Variants in IQSEC2 observed in about 807,000 individuals in gnomAD.
The protein encoded by IQSEC2 is IQ motif and Sec7 domain ArfGEF 2.
A neutral mutation model predicts 74.6 loss-of-function variants in IQSEC2; 6 were observed. The ratio of observed to expected loss-of-function variants is 0.08; its 90% confidence interval spans 0.04 to 0.16. The LOEUF (loss-of-function observed/expected upper bound fraction) is 0.16. Ranked by LOEUF, IQSEC2 falls within the 10% of genes least tolerant of loss-of-function variation. The pLI, the probability that IQSEC2 is intolerant of heterozygous loss-of-function variation, is 1.00. For missense variants in IQSEC2, 734 were observed against 1,306.2 expected, an observed-to-expected ratio of 0.56 and a Z score of 6.75; for synonymous variants, 494 against 544.5, an observed-to-expected ratio of 0.91 and a Z score of 1.29.
In IQSEC2 at chrX:53,250,569, G is replaced by A. The variant is rs782769823; in HGVS notation, c.2007C>T (p.Gly669=). 4.5e-5 allele frequency: 55 copies of A among 1,209,800 alleles called. No individual in the cohort carries two copies. In the South Asian group the frequency reaches 8.6e-4, roughly 19 times the overall value. The part of the protein sequence containing the change: ...PGPLPPAPNS[G]TGPSGVAGGR... ...CCCCAGCCACACCACTGGGCCCAGT[G>A]CCACTGTTGGGGGCTGGTGGCAGGG... Residue 669 remains glycine, a synonymous_variant, in exon 5 of 15, where the codon GGC becomes GGT. Coordinates refer to ENST00000642864, the MANE Select transcript of IQSEC2 (RefSeq NM_001111125.3).
At chrX:53,267,853 T>C (rs1008129705) in intron 2 of IQSEC2, among the ~76,000 whole-genome samples, 1 of 111,973 alleles carries the variant, frequency 8.9e-6, no homozygotes, top group East Asian at 2.8e-4. Flanking sequence ...TTGCAAGAAC[T>C]AGAACATATA....
chrX:53,241,780 A>C lies in IQSEC2; in HGVS notation c.3015+4T>G. 4 of 1,211,410 alleles carry C rather than the reference A, an allele frequency of 3.3e-6. No individual in the cohort carries two copies. The highest frequency in any genetic ancestry group is 5.9e-5 in the East Asian group (2 of 33,812). ...TCCCATCTCCTCCCCCACAGTGCTC[A>C]TACCACAAGGAGATCATTGAAGAGG... is the stretch of plus-strand genomic sequence containing the variant. On this transcript the variant is annotated splice_donor_region_variant and intron_variant, in intron 10 of 14. Transcript: ENST00000642864.
chrX:53,259,660 C>T (rs1556866069), intron 2 of IQSEC2, among the ~76,000 whole-genome samples: 1 of 109,160 alleles, frequency 9.2e-6, no homozygotes, highest in African/African-American at 3.4e-5. Flanking sequence ...ATTAGCCAGG[C>T]GTGGTGGCGC....
intron 1 of IQSEC2, 78 bp downstream of exon 1, chrX:53,320,339 G>A: frequency 1.1e-6 from 1 of 927,633 alleles, no homozygotes; most frequent in Non-Finnish European, 1.5e-6. Flanking sequence ...CCAGACACTG[G>A]CTTCTTACTC....
At chrX:53,239,049 C>A (rs782629567) in intron 11 of IQSEC2, 146 bp downstream of exon 11, 1 of 494,314 alleles carries the variant, frequency 2.0e-6, no homozygotes, top group Admixed American at 2.8e-5. Flanking sequence ...CCCTGGCCTG[C>A]CCCTCATCCT....
intron 5 of IQSEC2, 144 bp from the exon 6 acceptor site, chrX:53,249,026 C>A: frequency 1.7e-6 from 1 of 581,847 alleles, no homozygotes; most frequent in Non-Finnish European, 2.8e-6. Flanking sequence ...CCAATCCCAT[C>A]ATGGCACAAG....
At chrX:53,255,606 A>G (rs1463981572) in intron 3 of IQSEC2, among the ~76,000 whole-genome samples, 194 bp downstream of exon 3, 3 of 111,028 alleles carry the variant, frequency 2.7e-5, no homozygotes, top group Non-Finnish European at 3.8e-5. Flanking sequence ...ATGTTTCTTG[A>G]GTGAATACAA....
chrX:53,289,919 G>C (rs1380778213), intron 2 of IQSEC2, among the ~76,000 whole-genome samples: 1 of 112,206 alleles, frequency 8.9e-6, no homozygotes, highest in East Asian at 2.8e-4. Flanking sequence ...ATGCCTATTA[G>C]GGCTGTTGTG....
At chrX:53,271,482 C>T (rs1358821636) in intron 2 of IQSEC2, among the ~76,000 whole-genome samples, 2 of 111,746 alleles carry the variant, frequency 1.8e-5, no homozygotes, top group Non-Finnish European at 3.8e-5. Flanking sequence ...AACTTTGACT[C>T]ATCCTCGCCT....
In IQSEC2 at chrX:53,236,641, A is replaced by G. The variant is rs782076344; in HGVS notation, c.3278-146T>C. 4.5e-6 allele frequency: 3 copies of G among 661,750 alleles called. No individual in the cohort carries two copies. In the African/African-American group the frequency reaches 6.6e-5, roughly 15 times the overall value. 54.5% of individuals were successfully genotyped at this position (661,750 alleles called of 1,213,427 possible). A position where few individuals can be genotyped will look rare whatever the true frequency, so the allele number is the denominator to read the frequency against. On this transcript the variant is annotated intron_variant, in intron 12 of 14. Transcript: ENST00000642864. Reference sequence around the variant, plus strand: ...CCAGGCTTCGTGTTTTGCCCCTTGGACGACCAGCCCTTGTCTCCCCCAAAA... The same window carrying G: ...CCAGGCTTCGTGTTTTGCCCCTTGGGCGACCAGCCCTTGTCTCCCCCAAAA...
At chrX:53,261,284 C>A (rs781976119) in intron 2 of IQSEC2, among the ~76,000 whole-genome samples, 5 of 110,981 alleles carry the variant, frequency 4.5e-5, no homozygotes, top group Non-Finnish European at 9.4e-5. Context: ...TAGAGTAAGA[C>A]GCTGGGCAGG....
intron 2 of IQSEC2, among the ~76,000 whole-genome samples, chrX:53,273,330 G>A (rs1292310593): frequency 1.8e-5 from 2 of 110,504 alleles, no homozygotes; most frequent in Admixed American, 9.7e-5. Flanking sequence ...ATCACACTAC[G>A]GTGTCATTGT....
chrX:53,257,252 G>C (rs1336531190), intron 2 of IQSEC2, among the ~76,000 whole-genome samples: 1 of 112,162 alleles, frequency 8.9e-6, no homozygotes, highest in Non-Finnish European at 1.9e-5. Context: ...GGTAGGTACT[G>C]GGGGGGACCC....
chrX:53,228,493 A>G (rs1556858022), downstream of IQSEC2, among the ~76,000 whole-genome samples: 1 of 111,560 alleles, frequency 9.0e-6, no homozygotes, highest in Non-Finnish European at 1.9e-5. Context: ...TCACCCATCC[A>G]CCCGGGAGAC....
chrX:53,248,689 T>C, intron 6 of IQSEC2, 32 bp downstream of exon 6: 1 of 1,202,227 alleles, frequency 8.3e-7, no homozygotes. Flanking sequence ...CAGGAATCCC[T>C]GGCCCAGCCT....
intron 4 of IQSEC2, among the ~76,000 whole-genome samples, chrX:53,252,859 T>C (rs2074412976): frequency 8.9e-6 from 1 of 112,263 alleles, no homozygotes; most frequent in Non-Finnish European, 1.9e-5. Context: ...CAGACTTCAA[T>C]AGCACTCAGA....
chrX:53,273,329 C>T (rs1490763314), intron 2 of IQSEC2, among the ~76,000 whole-genome samples: 27 of 110,778 alleles, frequency 2.4e-4, no homozygotes, highest in African/African-American at 3.3e-4. Context: ...AATCACACTA[C>T]GGTGTCATTG....
At chrX:53,310,911 G>T (rs994022912) in intron 1 of IQSEC2, among the ~76,000 whole-genome samples, 3 of 107,525 alleles carry the variant, frequency 2.8e-5, no homozygotes, top group Admixed American at 1.0e-4. Flanking sequence ...ACCTGAGGTC[G>T]GGAGTTCGAG....
chrX:53,278,165 C>G (rs2074874839), intron 2 of IQSEC2, among the ~76,000 whole-genome samples: 1 of 108,487 alleles, frequency 9.2e-6, no homozygotes, highest in South Asian at 4.1e-4. Flanking sequence ...CACCCGCCAC[C>G]ATGCCTGACT....
Sources: allele counts gnomAD v4.1 joint callset (sites outside exome capture counted in the v4.1 genomes callset), GRCh38; gene constraint gnomAD v4.1.1; transcripts MANE v1.5; gene names NCBI Gene and HGNC (gene_info 2026-07-23, HGNC 2026-07-21).